The following TMEM132D variants were observed in gnomAD, a reference collection of about 807,000 sequenced individuals.
The protein encoded by TMEM132D is transmembrane protein 132D.
In TMEM132D, 21 loss-of-function variants were observed where a neutral mutation model predicts 62.3. The observed-to-expected ratio is 0.34, with a 90% CI of 0.24 to 0.49. The LOEUF (loss-of-function observed/expected upper bound fraction) is 0.49. TMEM132D is among the 20% of genes least tolerant of loss of function. The pLI, the probability that TMEM132D is intolerant of heterozygous loss-of-function variation, is 0.99. For synonymous variants in TMEM132D, 621 were observed against 575.6 expected (o/e 1.08, Z -1.13); for missense variants, 1,346 against 1,402.8 (o/e 0.96, Z 0.65).
intron 1 of TMEM132D, among the ~76,000 whole-genome samples, chr12:129,747,674 C>T (rs1186690143): frequency 6.6e-6 from 1 of 150,764 alleles, no homozygotes; most frequent in African/African-American, 2.4e-5. Context: ...CACATTCAGA[C>T]ACACACAGAC....
At chr12:129,617,695 G>C (rs114490402) in intron 2 of TMEM132D, among the ~76,000 whole-genome samples, 2 of 152,102 alleles carry the variant, frequency 1.3e-5, no homozygotes, top group African/African-American at 4.8e-5. Flanking sequence ...CAGAGGACCT[G>C]CTTCCTGGTT....
chr12:129,487,969 A>G (rs1874642094), intron 3 of TMEM132D, among the ~76,000 whole-genome samples: 1 of 147,918 alleles, frequency 6.8e-6, no homozygotes, highest in Non-Finnish European at 1.5e-5. Flanking sequence ...AAAAAGAGTG[A>G]ATCTGGCCTA....
At chr12:129,187,800 T>TA (rs1181874970) in intron 5 of TMEM132D, among the ~76,000 whole-genome samples, 2 of 152,254 alleles carry the variant, frequency 1.3e-5, no homozygotes, top group African/African-American at 4.8e-5. Context: ...TACCTGCACT[T>TA]ACTGCTGACG....
rs1350320400 is a variant in TMEM132D, at chr12:129,903,950, CCCCGGCCGCCGCCTCGGCCCG to C, written c.-632_-612del. On this transcript the variant is annotated 5_prime_UTR_variant, in exon 1 of 9. Coordinates refer to ENST00000422113, the MANE Select transcript of TMEM132D (RefSeq NM_133448.3). This position sits in a 1 kb window ranked among gnomAD's most constrained non-coding sequence, Gnocchi z 6.2. Reference sequence around the variant, plus strand: ...CCAAAGTTTGGCGGGTGCGGCTGCTCCCCGGCCGCCGCCTCGGCCCGCCCGGCCCCGGGCCCGGCTGGGGCT... The same window carrying C: ...CCAAAGTTTGGCGGGTGCGGCTGCTCCCCGGCCCCGGGCCCGGCTGGGGCT... 7.4e-5 allele frequency among the ~76,000 whole-genome samples: 11 copies of C among 148,220 alleles called. No individual in the cohort carries two copies. Among genetic ancestry groups the C allele is most frequent in the Admixed American group, 7.4e-4 (11 of 14,910 alleles).
intron 3 of TMEM132D, among the ~76,000 whole-genome samples, chr12:129,385,222 T>C (rs1351168349): frequency 6.6e-6 from 1 of 151,010 alleles, no homozygotes; most frequent in African/African-American, 2.4e-5. Flanking sequence ...TCTCCTGCCT[T>C]AGCCTCCCGA....
At chr12:129,308,827 T>C (rs79706048) in intron 4 of TMEM132D, among the ~76,000 whole-genome samples, 5 of 152,334 alleles carry the variant, frequency 3.3e-5, no homozygotes, top group African/African-American at 7.2e-5. Flanking sequence ...AAAAATGTCC[T>C]AGGTAAGATG....
At chr12:129,359,546 TAAA>T (rs1045318337) in intron 3 of TMEM132D, among the ~76,000 whole-genome samples, 2 of 152,116 alleles carry the variant, frequency 1.3e-5, no homozygotes, top group Non-Finnish European at 2.9e-5. Flanking sequence ...TTTTTGAACT[TAAA>T]AAGAAAAGAA....
At chr12:129,696,700 C>T (rs115034356) in intron 2 of TMEM132D, among the ~76,000 whole-genome samples, 2,381 of 152,214 alleles carry the variant, frequency 0.016, 79 homozygotes, top group African/African-American at 0.053. Context: ...GACTGGGATG[C>T]GTCTGAGCCT....
At chr12:129,793,664 C>T (rs1242228440) in intron 1 of TMEM132D, among the ~76,000 whole-genome samples, 1 of 152,218 alleles carries the variant, frequency 6.6e-6, no homozygotes, top group African/African-American at 2.4e-5. Context: ...TCACACCTAG[C>T]CAGGATAGGA....
chr12:129,149,331 G>A (rs142605025), intron 5 of TMEM132D, among the ~76,000 whole-genome samples: 143 of 152,104 alleles, frequency 9.4e-4, no homozygotes, highest in Non-Finnish European at 1.8e-3. Context: ...CCACCATGGC[G>A]CAGGTACACT....
At chr12:129,548,107 C>T (rs1876790427) in intron 2 of TMEM132D, among the ~76,000 whole-genome samples, 1 of 152,204 alleles carries the variant, frequency 6.6e-6, no homozygotes, top group African/African-American at 2.4e-5. Context: ...AAACCCTGCA[C>T]ATTTAGTTGT....
intron 2 of TMEM132D, among the ~76,000 whole-genome samples, chr12:129,587,245 T>G (rs567633080): frequency 1.3e-5 from 2 of 152,072 alleles, no homozygotes; most frequent in East Asian, 3.9e-4. Context: ...TACAGGGACA[T>G]GGATGGAGAT....
At chr12:129,878,509 G>C (rs1874499036) in intron 1 of TMEM132D, among the ~76,000 whole-genome samples, 1 of 151,756 alleles carries the variant, frequency 6.6e-6, no homozygotes, top group Non-Finnish European at 1.5e-5. Context: ...CTAGAGGATG[G>C]AAAAGAGAGC....
At chr12:129,829,860 T>G (rs1872776342) in intron 1 of TMEM132D, among the ~76,000 whole-genome samples, 1 of 152,150 alleles carries the variant, frequency 6.6e-6, no homozygotes, top group South Asian at 2.1e-4. Flanking sequence ...TACCATCAAT[T>G]AGAACGACTC....
intron 4 of TMEM132D, among the ~76,000 whole-genome samples, chr12:129,244,667 G>A (rs1007624467): frequency 6.6e-6 from 1 of 151,942 alleles, no homozygotes; most frequent in African/African-American, 2.4e-5. Context: ...TTGAGACAGA[G>A]TCTTGCTCTA....
chr12:129,295,367 A>G (rs186531674), intron 4 of TMEM132D, among the ~76,000 whole-genome samples: 116 of 151,224 alleles, frequency 7.7e-4, no homozygotes, highest in Non-Finnish European at 1.2e-3. Flanking sequence ...TCCAGGGAAC[A>G]CTGCCAGCTA....
At chr12:129,310,911 G>A (rs1881956907) in intron 4 of TMEM132D, among the ~76,000 whole-genome samples, 1 of 152,260 alleles carries the variant, frequency 6.6e-6, no homozygotes, top group East Asian at 1.9e-4. Flanking sequence ...CGAGGAACTG[G>A]AGGGAGAAAG....
intron 4 of TMEM132D, among the ~76,000 whole-genome samples, chr12:129,309,410 T>C (rs1004469753): frequency 6.6e-6 from 1 of 152,232 alleles, no homozygotes; most frequent in African/African-American, 2.4e-5. Context: ...CTTTTGTCTC[T>C]ACAGTCCCCT....
intron 4 of TMEM132D, among the ~76,000 whole-genome samples, chr12:129,336,135 C>T (rs1312372890): frequency 6.6e-6 from 1 of 152,202 alleles, no homozygotes. Flanking sequence ...GAAATCTGTA[C>T]TTAACTCATA....
Sources: gnomAD v4.1 joint callset for allele counts (sites outside exome capture counted in the v4.1 genomes callset) on GRCh38, gnomAD v4.1.1 for gene constraint, Gnocchi (gnomAD v3.1) non-coding constraint, MANE v1.5 for transcripts, NCBI Gene and HGNC (gene_info 2026-07-23, HGNC 2026-07-21) for gene names.